Variants in SNTG1 observed in about 807,000 individuals in gnomAD.
The protein encoded by SNTG1 is gamma-1-syntrophin.
A neutral mutation model predicts 74.7 loss-of-function variants in SNTG1; 39 were observed. The ratio of observed to expected loss-of-function variants is 0.52; its 90% CI spans 0.40 to 0.68. SNTG1 has a LOEUF of 0.68. Ranked by LOEUF, SNTG1 falls within the 30% of genes least tolerant of loss-of-function variation. The pLI, the probability that SNTG1 is intolerant of heterozygous loss-of-function variation, is 0.00. For synonymous variants in SNTG1, 254 were observed against 217.1 expected, an observed-to-expected ratio of 1.17 and a Z score of -1.49; for missense variants, 685 against 609.5, an observed-to-expected ratio of 1.12 and a Z score of -1.30.
chr8:50,593,311 T>A (rs1483603404), intron 13 of SNTG1, among the ~76,000 whole-genome samples: 1 of 152,038 alleles, frequency 6.6e-6, no homozygotes, highest in African/African-American at 2.4e-5. Flanking sequence ...CCAGAATGCA[T>A]AAGGCTTTCA....
At chr8:50,351,025 A>G (rs113296682) in intron 2 of SNTG1, among the ~76,000 whole-genome samples, 2,751 of 152,198 alleles carry the variant, frequency 0.018, 89 homozygotes, top group African/African-American at 0.062. Context: ...GCCTTTAAGA[A>G]CTGTAACACT....
chr8:50,349,960 T>G (rs2091599818), intron 2 of SNTG1, among the ~76,000 whole-genome samples: 2 of 152,034 alleles, frequency 1.3e-5, no homozygotes, highest in African/African-American at 4.8e-5. Flanking sequence ...CGCGTGCTTA[T>G]GGGCCAGCTG....
At chr8:50,700,327 CA>C (rs2095419131) in intron 15 of SNTG1, among the ~76,000 whole-genome samples, 1 of 152,106 alleles carries the variant, frequency 6.6e-6, no homozygotes, top group South Asian at 2.1e-4. Flanking sequence ...TTATAGGCAG[CA>C]AAGGTAGAAA....
At chr8:50,390,543 G>T (rs1412226753) in intron 2 of SNTG1, among the ~76,000 whole-genome samples, 2 of 152,154 alleles carry the variant, frequency 1.3e-5, no homozygotes, top group African/African-American at 4.8e-5. Flanking sequence ...GATTGACTTG[G>T]CAATGCTGGC....
intron 8 of SNTG1, among the ~76,000 whole-genome samples, chr8:50,479,736 G>C (rs147624307): frequency 6.6e-6 from 1 of 151,906 alleles, no homozygotes. Flanking sequence ...CCCCCATATT[G>C]GTGGTGGTGG....
chr8:50,366,816 T>G, intron 2 of SNTG1, among the ~76,000 whole-genome samples: 1 of 145,568 alleles, frequency 6.9e-6, no homozygotes, highest in South Asian at 2.1e-4. Context: ...ATATATTATA[T>G]ATAATATATA....
At chr8:50,042,577 A>G (rs994191366) in intron 1 of SNTG1, among the ~76,000 whole-genome samples, 1 of 151,972 alleles carries the variant, frequency 6.6e-6, no homozygotes, top group Non-Finnish European at 1.5e-5. Flanking sequence ...AAAAAGATAA[A>G]GAAAAAAACC....
At chr8:50,716,973 T>A (rs1227466852) in intron 17 of SNTG1, among the ~76,000 whole-genome samples, 1 of 152,050 alleles carries the variant, frequency 6.6e-6, no homozygotes, top group Non-Finnish European at 1.5e-5. Context: ...CCTGACCTCG[T>A]GATCCGCCTG....
intron 2 of SNTG1, among the ~76,000 whole-genome samples, chr8:50,262,549 C>T (rs1484640916): frequency 6.6e-6 from 1 of 152,100 alleles, no homozygotes; most frequent in African/African-American, 2.4e-5. Flanking sequence ...GCTGGGACTA[C>T]AGGCACCCAC....
chr8:49,934,291 CTATCT>C, intron 1 of SNTG1, among the ~76,000 whole-genome samples: 1 of 125,282 alleles, frequency 8.0e-6, no homozygotes, highest in Non-Finnish European at 1.7e-5. Flanking sequence ...ATCTATCTAT[CTATCT>C]ATCTATCTAT....
rs527304233 is a variant in SNTG1 at position 50,492,215 on chromosome 8, T to C, written c.364-10563T>C. On this transcript the variant is annotated intron_variant, in intron 8 of 18. Coordinates refer to ENST00000642720, the MANE Select transcript of SNTG1 (RefSeq NM_018967.5). ...AAACATATGTGTGCATGTGTCTTTATGGTAGAATAATTTATAGTCCTTTGG... is the reference window on the plus strand; with the variant it reads ...AAACATATGTGTGCATGTGTCTTTACGGTAGAATAATTTATAGTCCTTTGG... Among the ~76,000 whole-genome samples the C allele has an allele frequency of 2.6e-5, 4 of 152,346 alleles. No homozygotes were observed. The South Asian group carries it at 8.3e-4, about 32-fold the overall frequency.
rs371583629 is a variant in SNTG1 at position 49,968,103 on chromosome 8, G to C, written c.-103+55872G>C. Among the ~76,000 whole-genome samples, 5 of 151,976 alleles carry C rather than the reference G, an allele frequency of 3.3e-5. No homozygotes were observed. In the East Asian group the frequency reaches 7.7e-4, roughly 24 times the overall value. On this transcript the variant is annotated intron_variant, in intron 1 of 18. Transcript: ENST00000642720. ...TTTTTTTTCTGCAAGTAAATACAAT[G>C]GTCTTTTCACCATATGTCAATATAT...
At chr8:50,643,802 G>C (rs1310718779) in intron 13 of SNTG1, 2 of 152,364 alleles carry the variant, frequency 1.3e-5, no homozygotes, top group Non-Finnish European at 2.9e-5. Flanking sequence ...GATGGAGGGA[G>C]GGTTTGCTTG....
chr8:50,723,403 T>G (rs1344188565), intron 17 of SNTG1, among the ~76,000 whole-genome samples: 1 of 152,162 alleles, frequency 6.6e-6, no homozygotes, highest in African/African-American at 2.4e-5. Flanking sequence ...TTGACCAAAG[T>G]TCTCGAGAGA....
At chr8:50,174,885 C>T (rs779499271) in intron 2 of SNTG1, among the ~76,000 whole-genome samples, 4 of 140,066 alleles carry the variant, frequency 2.9e-5, no homozygotes, top group Admixed American at 7.4e-5. Context: ...CAACAGTCCC[C>T]GGTGTGTGAT....
At position 50,265,650 on chromosome 8, in the gene SNTG1, G is replaced by C. The variant is rs2087426698; in HGVS notation, c.-28+93015G>C. On this transcript the variant is annotated intron_variant, in intron 2 of 18. Transcript: ENST00000642720. ...ATTCACCAAGAATATGGAATAATAG[G>C]CATCCATATTGGAAATAAGTAATAA... Among the ~76,000 whole-genome samples, 4 of 152,040 alleles carry C rather than the reference G, an allele frequency of 2.6e-5. No homozygotes were observed. The South Asian group carries it at 8.3e-4, about 32-fold the overall frequency.
intron 8 of SNTG1, among the ~76,000 whole-genome samples, chr8:50,472,239 T>A (rs2093659507): frequency 6.6e-6 from 1 of 152,154 alleles, no homozygotes; most frequent in Non-Finnish European, 1.5e-5. Flanking sequence ...GAGCAAAAGT[T>A]ATATTGAAAA....
rs561903350 is a variant in SNTG1, at chr8:50,195,123, C to A, written c.-28+22488C>A. On this transcript the variant is annotated intron_variant, in intron 2 of 18. Coordinates refer to ENST00000642720, the MANE Select transcript of SNTG1 (RefSeq NM_018967.5). ...ACTTGGGCAGTTCTTGCTGTGGCTG[C>A]TGTGGAGAATGCAAGTGAGGTTCCC... 2.6e-4 allele frequency among the ~76,000 whole-genome samples: 39 copies of A among 152,158 alleles called. No individual in the cohort carries two copies. The South Asian group carries it at 7.9e-3, about 31-fold the overall frequency.
intron 1 of SNTG1, among the ~76,000 whole-genome samples, chr8:50,065,695 C>T (rs1820842502): frequency 6.6e-6 from 1 of 152,062 alleles, no homozygotes; most frequent in Non-Finnish European, 1.5e-5. Flanking sequence ...GTTATAAGTA[C>T]TCTGGTAGTT....
Sources: allele counts gnomAD v4.1 joint callset (sites outside exome capture counted in the v4.1 genomes callset), GRCh38; gene constraint gnomAD v4.1.1; transcripts MANE v1.5; gene names NCBI Gene and HGNC (gene_info 2026-07-23, HGNC 2026-07-21).